The following RAB3GAP2 variants were observed in gnomAD, a reference collection of about 807,000 sequenced individuals.
RAB3GAP2 encodes rab3 GTPase-activating protein non-catalytic subunit.
RAB3GAP2 carries 87 observed loss-of-function variants against 185.3 expected under a neutral mutation model. That is an observed-to-expected ratio of 0.47 (90% CI 0.39 to 0.56). The LOEUF (loss-of-function observed/expected upper bound fraction) is 0.56, where lower values mean the gene tolerates loss of function less well. Among genes scored for constraint, RAB3GAP2 ranks in the 20% least tolerant of loss-of-function variants. RAB3GAP2 has a pLI of 0.00. For missense variants in RAB3GAP2, 1,492 were observed against 1,638.2 expected (o/e 0.91, Z 1.54); for synonymous variants, 554 against 576.1 (o/e 0.96, Z 0.55).
intron 2 of RAB3GAP2, among the ~76,000 whole-genome samples, chr1:220,222,040 C>T (rs1484151943): frequency 6.6e-6 from 1 of 152,154 alleles, no homozygotes; most frequent in Non-Finnish European, 1.5e-5. Context: ...CAGTAAGATC[C>T]AGTGTAATCT....
intron 2 of RAB3GAP2, among the ~76,000 whole-genome samples, chr1:220,223,068 C>A (rs1416808725): frequency 6.6e-6 from 1 of 152,086 alleles, no homozygotes; most frequent in East Asian, 1.9e-4. Context: ...TTTGAGTCAG[C>A]GTCTCGCTCT....
chr1:220,239,328 G>T (rs940129961), intron 1 of RAB3GAP2, among the ~76,000 whole-genome samples: 38 of 152,110 alleles, frequency 2.5e-4, no homozygotes, highest in Non-Finnish European at 1.5e-4. Flanking sequence ...TCTCCCAGGC[G>T]CAAGCAGTTC....
At chr1:220,252,931 C>T (rs1281532963) in intron 1 of RAB3GAP2, among the ~76,000 whole-genome samples, 2 of 152,188 alleles carry the variant, frequency 1.3e-5, no homozygotes, top group South Asian at 2.1e-4. Context: ...CCCACTTCCA[C>T]GGCACCTCAC....
chr1:220,179,244 CAAAAAAA>C (rs71169437), intron 21 of RAB3GAP2, among the ~76,000 whole-genome samples: 7 of 56,834 alleles, frequency 1.2e-4, no homozygotes, highest in South Asian at 6.1e-4. Context: ...GAGACTGTCT[CAAAAAAA>C]AAAAAAAAAA....
chr1:220,174,660 A>G (rs1453364290), intron 21 of RAB3GAP2, among the ~76,000 whole-genome samples: 1 of 152,218 alleles, frequency 6.6e-6, no homozygotes, highest in Non-Finnish European at 1.5e-5. Flanking sequence ...TTTTTTAAAA[A>G]ACAAATATAT....
chr1:220,183,470 C>T (rs1024249964), intron 19 of RAB3GAP2, among the ~76,000 whole-genome samples: 16 of 151,882 alleles, frequency 1.1e-4, no homozygotes, highest in Admixed American at 1.1e-3. Context: ...CCAGGCTGCT[C>T]TCGAACTCCT....
At position 220,182,287 on chromosome 1, in the gene RAB3GAP2, C is replaced by A. The variant is rs1658424647; in HGVS notation, c.2280G>T (p.Glu760Asp). The change falls in exon 21 of 35, where the codon GAG (glutamate) becomes GAT (aspartate). Residue 760 changes from glutamate to aspartate, a missense_variant. By Grantham distance (45) the Glu-to-Asp change is conservative. This residue lies in a region of RAB3GAP2 where 681 missense variants were observed against 689.1 expected (regional missense o/e 0.99). Transcript: ENST00000358951. ...SSTEDMCHTL[E>D]SAGLSPQLLL... The stretch of plus-strand genomic sequence containing the variant: ...ACAGCTGAGGGCTAAGACCAGCCGA[C>A]TCCAAAGTGTGACACATATCCTCAG... 2 of 1,613,946 alleles carry A rather than the reference C, an allele frequency of 1.2e-6. No homozygotes were observed. The highest frequency in any genetic ancestry group is 2.7e-5 in the African/African-American group (2 of 74,900).
intron 30 of RAB3GAP2, 65 bp downstream of exon 30, chr1:220,157,737 G>A (rs1269881227): frequency 1.5e-6 from 2 of 1,365,874 alleles, no homozygotes; most frequent in Admixed American, 3.4e-5. Flanking sequence ...TTTATTAAAT[G>A]CAATGGTTTG....
chr1:220,233,441 A>T (rs1173705397), intron 1 of RAB3GAP2, among the ~76,000 whole-genome samples: 1 of 152,194 alleles, frequency 6.6e-6, no homozygotes, highest in Non-Finnish European at 1.5e-5. Context: ...ACAATGCAAC[A>T]AGGAATGTAA....
At chr1:220,172,397 T>A (rs983174604) in intron 22 of RAB3GAP2, among the ~76,000 whole-genome samples, 25 of 149,278 alleles carry the variant, frequency 1.7e-4, no homozygotes, top group African/African-American at 5.8e-4. Context: ...CCTTACTGAG[T>A]TAAGATGTAT....
intron 21 of RAB3GAP2, among the ~76,000 whole-genome samples, chr1:220,177,325 G>C (rs1470820871): frequency 2.6e-5 from 4 of 152,186 alleles, no homozygotes; most frequent in African/African-American, 9.7e-5. Context: ...ATCCCTGGAA[G>C]GCCCTCTGAG....
At chr1:220,153,676 T>C (rs1657803944) in intron 32 of RAB3GAP2, 2 of 396,520 alleles carry the variant, frequency 5.0e-6, no homozygotes, top group Non-Finnish European at 4.6e-6. Context: ...TATGTATACA[T>C]GTGCCATGTT....
intron 1 of RAB3GAP2, among the ~76,000 whole-genome samples, chr1:220,250,035 C>T (rs1445607464): frequency 6.6e-6 from 1 of 152,186 alleles, no homozygotes; most frequent in East Asian, 1.9e-4. Context: ...ACAGAGTCCC[C>T]ACTAGGGCAC....
intron 1 of RAB3GAP2, among the ~76,000 whole-genome samples, chr1:220,258,656 A>T (rs1660080892): frequency 1.3e-5 from 2 of 152,198 alleles, no homozygotes; most frequent in Admixed American, 1.3e-4. Flanking sequence ...AGCTGGAAGC[A>T]TTTCCCTTGA....
chr1:220,262,582 G>C (rs975323906), intron 1 of RAB3GAP2, among the ~76,000 whole-genome samples: 1 of 152,142 alleles, frequency 6.6e-6, no homozygotes, highest in Non-Finnish European at 1.5e-5. Context: ...GTCTTTTTGT[G>C]ACTGGAATAT....
intron 31 of RAB3GAP2, among the ~76,000 whole-genome samples, chr1:220,155,399 C>T (rs1243662786): frequency 1.3e-5 from 2 of 152,190 alleles, no homozygotes; most frequent in Non-Finnish European, 2.9e-5. Flanking sequence ...ATAAGAAAAA[C>T]CGGACTTACA....
chr1:220,171,166 A>T, intron 23 of RAB3GAP2, 46 bp from the exon 24 acceptor site: 1 of 1,541,618 alleles, frequency 6.5e-7, no homozygotes, highest in Non-Finnish European at 9.0e-7. Context: ...ATTCTGAATC[A>T]ATATTAACTT....
chr1:220,260,784 G>A (rs1270332794), intron 1 of RAB3GAP2, among the ~76,000 whole-genome samples: 1 of 152,068 alleles, frequency 6.6e-6, no homozygotes, highest in Non-Finnish European at 1.5e-5. Flanking sequence ...TCTTACTAAG[G>A]CAATACTTCC....
At position 220,202,268 on chromosome 1, in the gene RAB3GAP2, ATACT is replaced by A. The variant is rs1322318852; in HGVS notation, c.811+4_811+7del. 4 of 1,612,246 alleles carry A rather than the reference ATACT, an allele frequency of 2.5e-6. No individual in the cohort carries two copies. The highest frequency in any genetic ancestry group is 2.2e-5 in the East Asian group (1 of 44,800). On this transcript the variant is annotated splice_donor_5th_base_variant and intron_variant, in intron 9 of 34. Coordinates refer to ENST00000358951, the MANE Select transcript of RAB3GAP2 (RefSeq NM_012414.4). ...AATTCCAAGAGAATTTGAATTAGTA[ATACT>A]TACCAACACTAGCATGATCAATAAT...
Sources: allele counts gnomAD v4.1 joint callset (sites outside exome capture counted in the v4.1 genomes callset), GRCh38; gene constraint gnomAD v4.1.1; regional missense constraint gnomAD v4.1.1; transcripts MANE v1.5; gene names NCBI Gene and HGNC (gene_info 2026-07-23, HGNC 2026-07-21).